Variants in PLXDC2 observed in about 807,000 individuals in gnomAD.
PLXDC2 encodes the protein plexin domain containing 2.
A neutral mutation model predicts 68.9 loss-of-function variants in PLXDC2; 40 were observed. The observed-to-expected ratio is 0.58, with a 90% CI of 0.45 to 0.76. PLXDC2 has a LOEUF of 0.76. Among genes scored for constraint, PLXDC2 ranks in the 30% least tolerant of loss-of-function variants. The pLI is 0.00. For synonymous variants in PLXDC2, 243 were observed against 234.2 expected (o/e 1.04, Z -0.34); for missense variants, 644 against 661.9 (o/e 0.97, Z 0.30).
Position 19,899,170 on chromosome 10 carries a change from G to A in PLXDC2, c.112+81979G>A, listed in dbSNP as rs182164209. ...ATGTGGTTTTCGTTTTCATCTGAGA[G>A]AATCACCTCCAGTCCCATTGAGGCC... On this transcript the variant is annotated intron_variant, in intron 1 of 13. Transcript: ENST00000377252. Among the ~76,000 whole-genome samples the A allele has an allele frequency of 5.2e-3, 792 of 152,278 alleles. 3 individuals are homozygous for A. The highest frequency in any genetic ancestry group is 8.7e-3 in the Non-Finnish European group (591 of 68,030).
intron 4 of PLXDC2, among the ~76,000 whole-genome samples, chr10:20,110,419 T>TA (rs1335184429): frequency 2.6e-5 from 4 of 152,320 alleles, no homozygotes; most frequent in African/African-American, 9.6e-5. Context: ...TTCTCACAAG[T>TA]AATAACAGGG....
intron 1 of PLXDC2, among the ~76,000 whole-genome samples, chr10:19,891,686 A>G (rs1837966435): frequency 6.6e-6 from 1 of 152,210 alleles, no homozygotes; most frequent in Non-Finnish European, 1.5e-5. Flanking sequence ...TGGAGCGATT[A>G]TAAAGCTAGG....
At chr10:19,947,078 C>G (rs540677130) in intron 1 of PLXDC2, among the ~76,000 whole-genome samples, 1 of 152,142 alleles carries the variant, frequency 6.6e-6, no homozygotes, top group South Asian at 2.1e-4. Context: ...TTTGAAGATT[C>G]TAGACAGCTG....
At chr10:20,166,190 A>G (rs949155858) in intron 7 of PLXDC2, among the ~76,000 whole-genome samples, 1 of 152,184 alleles carries the variant, frequency 6.6e-6, no homozygotes. Flanking sequence ...TACTTTTTAA[A>G]GCAACGGATT....
chr10:19,977,813 C>G (rs1266608496), intron 1 of PLXDC2, among the ~76,000 whole-genome samples: 1 of 151,980 alleles, frequency 6.6e-6, no homozygotes, highest in African/African-American at 2.4e-5. Flanking sequence ...GGAGGCCCAC[C>G]CTTACGACCT....
At chr10:20,279,184 T>A (rs1200914352) in intron 13 of PLXDC2, among the ~76,000 whole-genome samples, 3 of 152,196 alleles carry the variant, frequency 2.0e-5, no homozygotes, top group Non-Finnish European at 4.4e-5. Flanking sequence ...CTTAAGATAT[T>A]AAGTGATATT....
intron 13 of PLXDC2, among the ~76,000 whole-genome samples, chr10:20,271,514 G>A (rs1835940547): frequency 6.6e-6 from 1 of 152,184 alleles, no homozygotes; most frequent in Non-Finnish European, 1.5e-5. Context: ...GGAAATTAGA[G>A]TGTGATTCTT....
chr10:19,978,878 AGAGT>A (rs1406384731), intron 1 of PLXDC2, among the ~76,000 whole-genome samples: 1 of 152,232 alleles, frequency 6.6e-6, no homozygotes, highest in Non-Finnish European at 1.5e-5. Context: ...TTACAAGATA[AGAGT>A]AAGTTCTCAT....
chr10:19,934,756 G>A (rs72785841), intron 1 of PLXDC2, among the ~76,000 whole-genome samples: 15 of 152,166 alleles, frequency 9.9e-5, no homozygotes, highest in South Asian at 6.2e-4. Flanking sequence ...ACTAGTTTGC[G>A]TTCTAGACTG....
chr10:20,225,813 A>ATT lies in PLXDC2; in HGVS notation c.1312+6719_1312+6720dup, dbSNP rs138014212. Among the ~76,000 whole-genome samples the ATT allele has an allele frequency of 1.8e-3, 274 of 151,802 alleles. 2 individuals carry two copies. The highest frequency in any genetic ancestry group is 6.2e-3 in the African/African-American group (255 of 41,348). On this transcript the variant is annotated intron_variant, in intron 12 of 13. Coordinates refer to ENST00000377252, the MANE Select transcript of PLXDC2 (RefSeq NM_032812.9). The stretch of plus-strand genomic sequence containing the variant: ...CTCTAGGGCTGGAACCTGAGCACCA[A>ATT]TTTTTTTTTAATTCCCAGATTATTC...
chr10:20,053,454 T>G (rs1256347264), intron 3 of PLXDC2, among the ~76,000 whole-genome samples: 1 of 152,104 alleles, frequency 6.6e-6, no homozygotes, highest in Non-Finnish European at 1.5e-5. Flanking sequence ...ATCTGGGTAT[T>G]TTGTCCTTCA....
chr10:19,842,535 C>G (rs1001439073), intron 1 of PLXDC2, among the ~76,000 whole-genome samples: 5 of 152,144 alleles, frequency 3.3e-5, no homozygotes, highest in African/African-American at 1.2e-4. Context: ...CCCACTGAAA[C>G]CTTGATCATT....
At chr10:19,823,501 G>A (rs1481684261) in intron 1 of PLXDC2, among the ~76,000 whole-genome samples, 9 of 151,570 alleles carry the variant, frequency 5.9e-5, no homozygotes, top group Non-Finnish European at 1.3e-4. Context: ...GGCCAACATG[G>A]TGAAACCCCG....
intron 12 of PLXDC2, among the ~76,000 whole-genome samples, chr10:20,222,234 G>A (rs576554639): frequency 2.6e-5 from 4 of 152,202 alleles, no homozygotes; most frequent in East Asian, 1.9e-4. Context: ...TTTCTGGGTC[G>A]TTTCCATGGG....
At chr10:20,034,926 C>G (rs1193755696) in intron 2 of PLXDC2, among the ~76,000 whole-genome samples, 1 of 152,158 alleles carries the variant, frequency 6.6e-6, no homozygotes, top group Non-Finnish European at 1.5e-5. Flanking sequence ...TGTAGGTACA[C>G]TCCATAATGT....
intron 1 of PLXDC2, among the ~76,000 whole-genome samples, chr10:19,950,493 A>G (rs1833973500): frequency 6.6e-6 from 1 of 152,210 alleles, no homozygotes; most frequent in African/African-American, 2.4e-5. Flanking sequence ...AAAATATTGC[A>G]GAAAGAAATC....
intron 1 of PLXDC2, among the ~76,000 whole-genome samples, chr10:19,948,847 A>C (rs1037667075): frequency 6.6e-6 from 1 of 152,150 alleles, no homozygotes; most frequent in Non-Finnish European, 1.5e-5. Context: ...TAAGTGCATT[A>C]GAATAGACAT....
intron 1 of PLXDC2, among the ~76,000 whole-genome samples, chr10:19,934,533 TTGATGGCAAGCAA>T (rs1459585539): frequency 7.2e-5 from 11 of 152,226 alleles, no homozygotes; most frequent in Non-Finnish European, 1.6e-4. Flanking sequence ...ATTGGTCACC[TTGATGGCAAGCAA>T]TGGTAAGTCT....
intron 4 of PLXDC2, among the ~76,000 whole-genome samples, chr10:20,072,011 T>C (rs146806434): frequency 1.3e-5 from 2 of 152,206 alleles, no homozygotes; most frequent in African/African-American, 4.8e-5. Context: ...GGAATGAGTC[T>C]AGTGAAGGGG....
Sources: allele counts gnomAD v4.1 joint callset (sites outside exome capture counted in the v4.1 genomes callset), GRCh38; gene constraint gnomAD v4.1.1; transcripts MANE v1.5; gene names NCBI Gene and HGNC (gene_info 2026-07-23, HGNC 2026-07-21).